The following FHOD1 variants were observed in gnomAD, a reference collection of about 807,000 sequenced individuals.
FHOD1 encodes FH1/FH2 domain-containing protein 1.
A neutral mutation model predicts 111.6 loss-of-function variants in FHOD1; 89 were observed. The ratio of observed to expected loss-of-function variants is 0.80; its 90% confidence interval spans 0.67 to 0.95. The LOEUF is 0.95. FHOD1 is among the 40% of genes least tolerant of loss of function. The probability of loss-of-function intolerance (pLI) is 0.00; values close to 1 mark genes in which losing one functional copy is unlikely to be tolerated. For synonymous variants in FHOD1, 618 were observed against 639.0 expected, an observed-to-expected ratio of 0.97 and a Z score of 0.50; for missense variants, 1,446 against 1,554.2, an observed-to-expected ratio of 0.93 and a Z score of 1.17.
In FHOD1 at chr16:67,237,914, C is replaced by T; in HGVS notation, c.642+120G>A. ...GCCCCAGGCCCAGGCACTGAAGTGC[C>T]TTATAGGCTTACAGAGGCCTCAGAC... On this transcript the variant is annotated intron_variant, in intron 6 of 21. Transcript: ENST00000258201. This position sits in a 1 kb window ranked among gnomAD's most constrained non-coding sequence, Gnocchi z 5.6. The T allele has an allele frequency of 2.0e-5, 26 of 1,329,758 alleles. No homozygotes were observed. The highest frequency in any genetic ancestry group is 2.5e-5 in the Non-Finnish European group (23 of 935,954). The allele number at this position is 1,329,758 out of a possible 1,614,324, so 82.4% of individuals were successfully genotyped here. A position where few individuals can be genotyped will look rare whatever the true frequency, so the allele number is the denominator to read the frequency against.
In FHOD1 at chr16:67,238,190, G is replaced by A. The variant is rs943334380; in HGVS notation, c.547+12C>T. The A allele has an allele frequency of 6.2e-7, 1 of 1,613,692 alleles. No individual in the cohort carries two copies. Among genetic ancestry groups the A allele is most frequent in the African/African-American group, 1.3e-5 (1 of 74,926 alleles). ...GCTGGAGCAGAGGTCATGGGAGAGG[G>A]GCGGGGCTGACCTCTAAGGATGTAG... On this transcript the variant is annotated intron_variant, in intron 5 of 21. Transcript: ENST00000258201. The surrounding 1 kb of genome is among the most constrained non-coding windows in gnomAD (Gnocchi z 4.2).
At position 67,237,164 on chromosome 16, in the gene FHOD1, TGG is replaced by T; in HGVS notation, c.994-52_994-51del. The stretch of plus-strand genomic sequence containing the variant: ...AGAAAGTGGTTAACGTGTATGCAGG[TGG>T]GGTGGGGCGCTGGGGACTGCGCTTC... On this transcript the variant is annotated intron_variant, in intron 9 of 21. Coordinates refer to ENST00000258201, the MANE Select transcript of FHOD1 (RefSeq NM_013241.3). This position sits in a 1 kb window ranked among gnomAD's most constrained non-coding sequence, Gnocchi z 5.6. 1 of 1,601,836 alleles carries T rather than the reference TGG, an allele frequency of 6.2e-7. No homozygotes were observed. Among genetic ancestry groups the T allele is most frequent in the Admixed American group, 1.7e-5 (1 of 59,204 alleles).
intron 1 of FHOD1, among the ~76,000 whole-genome samples, chr16:67,246,468 A>G (rs1368735590): frequency 6.6e-6 from 1 of 152,144 alleles, no homozygotes; most frequent in Non-Finnish European, 1.5e-5. Context: ...CGCACTGTGC[A>G]CAAGTCCGCT....
chr16:67,241,791 G>A (rs372807938), intron 1 of FHOD1, among the ~76,000 whole-genome samples: 1 of 152,186 alleles, frequency 6.6e-6, no homozygotes, highest in African/African-American at 2.4e-5. Flanking sequence ...ACACACCCAG[G>A]TATAAGGTTG....
chr16:67,237,521 C>T lies in FHOD1; in HGVS notation c.803G>A (p.Gly268Asp), dbSNP rs769662396. The change falls in exon 8 of 22, where the codon GGC (glycine) becomes GAC (aspartate). Residue 268 changes from glycine (G) to aspartate (D), a missense_variant. This residue lies in a region of FHOD1 where 234 missense variants were observed against 327.4 expected (regional missense o/e 0.71). Coordinates refer to ENST00000258201, the MANE Select transcript of FHOD1 (RefSeq NM_013241.3). The surrounding 1 kb of genome is among the most constrained non-coding windows in gnomAD (Gnocchi z 5.6). ...GTACACCAACAACTCAGGGTCAGCG[C>T]CATTCTTCTCCTCCAGGATGGACAC... ...NLVSILEEKN[G>D]ADPELLVYTV... 1.2e-6 allele frequency: 2 copies of T among 1,614,148 alleles called. No individual in the cohort carries two copies. The highest frequency in any genetic ancestry group is 1.7e-5 in the Admixed American group (1 of 60,018).
rs1327015558 is a variant in FHOD1 at position 67,237,846 on chromosome 16, T to C, written c.643-78A>G. The C allele has an allele frequency of 1.4e-6, 2 of 1,433,120 alleles. No individual in the cohort carries two copies. Among genetic ancestry groups the C allele is most frequent in the South Asian group, 1.2e-5 (1 of 86,410 alleles). 88.8% of individuals were successfully genotyped at this position (1,433,120 alleles called of 1,614,324 possible). A position where few individuals can be genotyped will look rare whatever the true frequency, so the allele number is the denominator to read the frequency against. Reference sequence around the variant, plus strand: ...GCTGTTGCTGGGGAAGGGGAAGGGCTGCTGGGGCTGGACCCAGAGAGAATC... The same window carrying C: ...GCTGTTGCTGGGGAAGGGGAAGGGCCGCTGGGGCTGGACCCAGAGAGAATC... On this transcript the variant is annotated intron_variant, in intron 6 of 21. Transcript: ENST00000258201. This position sits in a 1 kb window ranked among gnomAD's most constrained non-coding sequence, Gnocchi z 5.6.
In FHOD1 at chr16:67,237,160, C is replaced by T. The variant is rs1448356944; in HGVS notation, c.994-46G>A. On this transcript the variant is annotated intron_variant, in intron 9 of 21. Coordinates refer to ENST00000258201, the MANE Select transcript of FHOD1 (RefSeq NM_013241.3). This position sits in a 1 kb window ranked among gnomAD's most constrained non-coding sequence, Gnocchi z 5.6. ...TGTAAGAAAGTGGTTAACGTGTATG[C>T]AGGTGGGGTGGGGCGCTGGGGACTG... is the stretch of plus-strand genomic sequence containing the variant. 3 of 1,601,428 alleles carry T rather than the reference C, an allele frequency of 1.9e-6. No homozygotes were observed. The highest frequency in any genetic ancestry group is 1.7e-6 in the Non-Finnish European group (2 of 1,172,136).
chr16:67,237,124 G>A lies in FHOD1; in HGVS notation c.994-10C>T. The stretch of plus-strand genomic sequence containing the variant: ...CCAATTTCAGGGCGTTCTAGCAGAG[G>A]CGGACCAGGATGTAAGAAAGTGGTT... On this transcript the variant is annotated splice_polypyrimidine_tract_variant and intron_variant, in intron 9 of 21. Coordinates refer to ENST00000258201, the MANE Select transcript of FHOD1 (RefSeq NM_013241.3). This position sits in a 1 kb window ranked among gnomAD's most constrained non-coding sequence, Gnocchi z 5.6. 1 of 1,607,526 alleles carries A rather than the reference G, an allele frequency of 6.2e-7. No individual in the cohort carries two copies. The highest frequency in any genetic ancestry group is 1.1e-5 in the South Asian group (1 of 90,454).
intron 1 of FHOD1, among the ~76,000 whole-genome samples, chr16:67,244,061 AC>A (rs940547381): frequency 6.6e-6 from 1 of 152,054 alleles, no homozygotes; most frequent in Non-Finnish European, 1.5e-5. Flanking sequence ...GGACAGTGCC[AC>A]CCCTGTCCTA....
chr16:67,235,541 A>C lies in FHOD1; in HGVS notation c.1319+1016T>G, dbSNP rs182732834. On this transcript the variant is annotated intron_variant, in intron 11 of 21. Coordinates refer to ENST00000258201, the MANE Select transcript of FHOD1 (RefSeq NM_013241.3). ...CAAGACTCTGTCTCAAAAAAAAAAA[A>C]AACAAAAAAAAAACGGATGTGGTAA... Among the ~76,000 whole-genome samples, 35 of 151,810 alleles carry C rather than the reference A, an allele frequency of 2.3e-4. No homozygotes were observed. The East Asian group carries it at 4.8e-3, about 21-fold the overall frequency.
intron 1 of FHOD1, among the ~76,000 whole-genome samples, chr16:67,244,918 G>A (rs963412379): frequency 6.6e-5 from 10 of 152,168 alleles, no homozygotes; most frequent in African/African-American, 2.4e-4. Flanking sequence ...GTGACTCTGG[G>A]GCACCCACTT....
intron 11 of FHOD1, 91 bp from the exon 12 acceptor site, chr16:67,234,563 G>GCAGGCACGCACA: frequency 1.8e-6 from 2 of 1,088,474 alleles, no homozygotes; most frequent in South Asian, 2.7e-5. Context: ...ACCCCCAATT[G>GCAGGCACGCACA]CAGGCACGCA....
Position 67,236,734 on chromosome 16 carries a change from C to A in FHOD1, c.1143-1G>T. 5.1e-6 allele frequency: 7 copies of A among 1,362,542 alleles called. No individual in the cohort carries two copies. The highest frequency in any genetic ancestry group is 6.7e-6 in the Non-Finnish European group (7 of 1,044,010). 84.4% of individuals were successfully genotyped at this position (1,362,542 alleles called of 1,614,324 possible). ...TACCGGTGAGGCGGGGCCTGTGGGG[C>A]TGAAAGCAGGGGCTGTCAGTGGGGC... On this transcript the variant is annotated splice_acceptor_variant, in intron 10 of 21. Transcript: ENST00000258201. LOFTEE classifies it high-confidence loss of function.
At chr16:67,235,934 G>T in intron 11 of FHOD1, 1 of 615,150 alleles carries the variant, frequency 1.6e-6, no homozygotes, top group Non-Finnish European at 2.0e-6. Flanking sequence ...GGTTGCATCA[G>T]GCACGTGAAA....
chr16:67,240,626 CGT>C (rs2034638116), intron 1 of FHOD1, among the ~76,000 whole-genome samples: 1 of 152,248 alleles, frequency 6.6e-6, no homozygotes, highest in East Asian at 1.9e-4. Flanking sequence ...GCTCCATCCA[CGT>C]GTCCATGTTT....
rs1211435021 is a variant in FHOD1 at position 67,236,549 on chromosome 16, CTACT to C, written c.1319+4_1319+7del. 1.9e-6 allele frequency: 3 copies of C among 1,611,214 alleles called. No homozygotes were observed. Among genetic ancestry groups the C allele is most frequent in the East Asian group, 2.2e-5 (1 of 44,844 alleles). ...GGACTCCAGGGTGGCCTCTGTCTCC[CTACT>C]TACTTGTAGATGCTCCTCTCGCTGG... is the stretch of plus-strand genomic sequence containing the variant. On this transcript the variant is annotated splice_donor_5th_base_variant and intron_variant, in intron 11 of 21. Transcript: ENST00000258201.
chr16:67,232,175 C>T lies in FHOD1; in HGVS notation c.2066G>A (p.Arg689Gln), dbSNP rs370261438. 37 of 1,613,996 alleles carry T rather than the reference C, an allele frequency of 2.3e-5. No individual in the cohort carries two copies. The highest frequency in any genetic ancestry group is 4.0e-5 in the African/African-American group (3 of 74,914). Residue 689 changes from arginine (R) to glutamine (Q), a missense_variant, in exon 14 of 22, where the codon CGG (arginine) becomes CAG (glutamine). Transcript: ENST00000258201. ...GGGGTCCAGCACTGTGGTCATTGTC[C>T]GGCGGCCCTCTCCAGCTTTCTGCAT... is the stretch of plus-strand genomic sequence containing the variant. ...LPSKKAGEGR[R>Q]TMTTVLDPKR...
At chr16:67,244,554 A>C (rs2142308215) in intron 1 of FHOD1, among the ~76,000 whole-genome samples, 1 of 152,168 alleles carries the variant, frequency 6.6e-6, no homozygotes, top group Middle Eastern at 3.4e-3. Flanking sequence ...GCTTTCTGAG[A>C]TCTGAAAGCT....
At chr16:67,235,661 T>TCCCTCAGCCTTAGGTTAC (rs1170623173) in intron 11 of FHOD1, among the ~76,000 whole-genome samples, 1 of 152,082 alleles carries the variant, frequency 6.6e-6, no homozygotes, top group East Asian at 1.9e-4. Context: ...TCCCTGCCTT[T>TCCCTCAGCCTTAGGTTAC]CCCTCAGCCT....
Sources: gnomAD v4.1 joint callset for allele counts (sites outside exome capture counted in the v4.1 genomes callset) on GRCh38, gnomAD v4.1.1 for gene constraint, gnomAD v4.1.1 regional missense constraint, Gnocchi (gnomAD v3.1) non-coding constraint, MANE v1.5 for transcripts, NCBI Gene and HGNC (gene_info 2026-07-23, HGNC 2026-07-21) for gene names.